DNAJC3: variants seen among roughly 807,000 people sequenced by gnomAD.
The protein encoded by DNAJC3 is dnaJ homolog subfamily C member 3.
A neutral mutation model predicts 68.6 loss-of-function variants in DNAJC3; 38 were observed. The ratio of observed to expected loss-of-function variants is 0.55; its 90% CI spans 0.43 to 0.73. DNAJC3 has a LOEUF of 0.73. DNAJC3 is among the 30% of genes least tolerant of loss of function. The pLI is 0.00. For synonymous variants in DNAJC3, 203 were observed against 204.0 expected, an observed-to-expected ratio of 1.00 and a Z score of 0.04; for missense variants, 526 against 591.9, an observed-to-expected ratio of 0.89 and a Z score of 1.16.
At chr13:95,759,281 A>G (rs1882752419) in intron 5 of DNAJC3, among the ~76,000 whole-genome samples, 1 of 152,008 alleles carries the variant, frequency 6.6e-6, no homozygotes, top group Non-Finnish European at 1.5e-5. Context: ...TTTACTTTTA[A>G]GGCGGTGACA....
intron 2 of DNAJC3, among the ~76,000 whole-genome samples, chr13:95,712,566 G>GGGGT (rs1207659240): frequency 1.3e-5 from 2 of 151,788 alleles, no homozygotes; most frequent in East Asian, 3.9e-4. Flanking sequence ...TAGTAGAGAT[G>GGGGT]GGGTTTCACC....
intron 9 of DNAJC3, among the ~76,000 whole-genome samples, chr13:95,782,077 A>T (rs534566071): frequency 5.3e-5 from 8 of 152,100 alleles, no homozygotes; most frequent in African/African-American, 1.9e-4. Flanking sequence ...TTCCTGTGTT[A>T]GTTTGCTGAG....
At chr13:95,709,152 T>C (rs889497383) in intron 1 of DNAJC3, 75 bp from the exon 2 acceptor site, 1 of 1,086,160 alleles carries the variant, frequency 9.2e-7, no homozygotes, top group African/African-American at 1.6e-5. Context: ...AGATAACTAT[T>C]TTTAATATTA....
At position 95,677,356 on chromosome 13, in the gene DNAJC3, C is replaced by T; in HGVS notation, c.82+19C>T. The stretch of plus-strand genomic sequence containing the variant: ...TACGAAGGTGAGTCCTGCCCTGCCC[C>T]GGCCAGGAAGTGGGCTCCCGGACCA... On this transcript the variant is annotated intron_variant, in intron 1 of 11. Transcript: ENST00000602402. The T allele has an allele frequency of 6.4e-7, 1 of 1,572,506 alleles. No homozygotes were observed. The highest frequency in any genetic ancestry group is 8.6e-7 in the Non-Finnish European group (1 of 1,159,832).
At position 95,739,815 on chromosome 13, in the gene DNAJC3, C is replaced by T. The variant is rs539877474; in HGVS notation, c.393+14563C>T. Among the ~76,000 whole-genome samples the T allele has an allele frequency of 5.6e-4, 86 of 152,350 alleles. 1 individual carries two copies. The Middle Eastern group carries it at 0.01, about 18-fold the overall frequency. ...CTGAAGCCTTCTTCTCTCAGCTCGTCAAAGTCATTCTCCATCCAGCTTTGT... is the reference window on the plus strand; with the variant it reads ...CTGAAGCCTTCTTCTCTCAGCTCGTTAAAGTCATTCTCCATCCAGCTTTGT... On this transcript the variant is annotated intron_variant, in intron 4 of 11. Coordinates refer to ENST00000602402, the MANE Select transcript of DNAJC3 (RefSeq NM_006260.5).
intron 9 of DNAJC3, among the ~76,000 whole-genome samples, chr13:95,771,960 A>G (rs930263139): frequency 6.6e-6 from 1 of 152,016 alleles, no homozygotes; most frequent in Non-Finnish European, 1.5e-5. Flanking sequence ...ATGTTTTCGC[A>G]GTTTATTCCT....
chr13:95,778,616 C>A (rs1176192051), intron 9 of DNAJC3, among the ~76,000 whole-genome samples: 1 of 152,180 alleles, frequency 6.6e-6, no homozygotes, highest in Non-Finnish European at 1.5e-5. Flanking sequence ...AATCTACTTA[C>A]ATGGAATATC....
chr13:95,769,293 C>G (rs573321517), intron 9 of DNAJC3, among the ~76,000 whole-genome samples: 1 of 152,164 alleles, frequency 6.6e-6, no homozygotes, highest in African/African-American at 2.4e-5. Flanking sequence ...AGAGACCATT[C>G]CCTCTAGCAG....
rs376391099 is a variant in DNAJC3, at chr13:95,758,415, C to T, written c.546+619C>T. 1.8e-4 allele frequency among the ~76,000 whole-genome samples: 27 copies of T among 151,040 alleles called. No homozygotes were observed. In the East Asian group the frequency reaches 4.9e-3, roughly 27 times the overall value. ...CTTTGGGAGGTCGAGGTGGGTGGAT[C>T]ACTTGAGGCCAGGAGTTTGAGACTA... On this transcript the variant is annotated intron_variant, in intron 5 of 11. Coordinates refer to ENST00000602402, the MANE Select transcript of DNAJC3 (RefSeq NM_006260.5).
At chr13:95,759,340 C>G in intron 5 of DNAJC3, among the ~76,000 whole-genome samples, 1 of 152,212 alleles carries the variant, frequency 6.6e-6, no homozygotes, top group African/African-American at 2.4e-5. Context: ...GAGACTGGGT[C>G]TCTCTCTGTT....
At chr13:95,703,046 G>A (rs1456270100) in intron 1 of DNAJC3, among the ~76,000 whole-genome samples, 2 of 152,136 alleles carry the variant, frequency 1.3e-5, no homozygotes, top group Non-Finnish European at 2.9e-5. Context: ...TATTCATGGT[G>A]GTTATGTTCT....
chr13:95,737,562 G>A (rs1406719605), intron 4 of DNAJC3, among the ~76,000 whole-genome samples: 3 of 151,968 alleles, frequency 2.0e-5, no homozygotes, highest in Non-Finnish European at 1.5e-5. Flanking sequence ...GAGTGTATGT[G>A]TCCAGGAATT....
intron 1 of DNAJC3, among the ~76,000 whole-genome samples, chr13:95,688,931 TGTGTGTGTG>T (rs1566466650): frequency 1.4e-4 from 12 of 86,248 alleles, no homozygotes; most frequent in African/African-American, 5.5e-4. Flanking sequence ...TGTGTGGGTG[TGTGTGTGTG>T]TGTGTGTGTG....
intron 2 of DNAJC3, among the ~76,000 whole-genome samples, chr13:95,714,849 T>C (rs1881088200): frequency 6.6e-6 from 1 of 152,264 alleles, no homozygotes. Flanking sequence ...TTTGTTTTCT[T>C]AGTCTCACAT....
At position 95,763,715 on chromosome 13, in the gene DNAJC3, T is replaced by C; in HGVS notation, c.921T>C (p.Arg307=). The C allele has an allele frequency of 6.2e-7, 1 of 1,614,066 alleles. No homozygotes were observed. The highest frequency in any genetic ancestry group is 8.5e-7 in the Non-Finnish European group (1 of 1,179,928). Residue 307 remains arginine, a synonymous_variant, in exon 8 of 12, where the codon CGT becomes CGC. Coordinates refer to ENST00000602402, the MANE Select transcript of DNAJC3 (RefSeq NM_006260.5). The part of the protein sequence containing the change: ...TEPSIAEYTV[R]SKERICHCFS... ...CAAGCATTGCTGAATATACAGTTCG[T>C]TCAAAGGAGAGGATTTGCCACTGCT...
rs1051928492 is a variant in DNAJC3 at position 95,791,317 on chromosome 13, C to T, written c.*287C>T. ...GCAGGCTCACCCGTGGAAGTGCTCACGTATTCTGTATTATTTTTCTACACT... is the reference window on the plus strand; with the variant it reads ...GCAGGCTCACCCGTGGAAGTGCTCATGTATTCTGTATTATTTTTCTACACT... On this transcript the variant is annotated 3_prime_UTR_variant, in exon 12 of 12. Transcript: ENST00000602402. 104 of 372,624 alleles carry T rather than the reference C, an allele frequency of 2.8e-4. No individual in the cohort carries two copies. Among genetic ancestry groups the T allele is most frequent in the Non-Finnish European group, 4.5e-4 (95 of 213,010 alleles). The allele number at this position is 372,624 out of a possible 1,614,324, so 23.1% of individuals were successfully genotyped here.
chr13:95,721,022 A>G (rs1593978220), intron 2 of DNAJC3, among the ~76,000 whole-genome samples: 1 of 152,082 alleles, frequency 6.6e-6, no homozygotes, highest in African/African-American at 2.4e-5. Context: ...CATTATCCCA[A>G]ACTGAAACTC....
At position 95,704,851 on chromosome 13, in the gene DNAJC3, G is replaced by GTTTTTTTTTTTTTTTT. The variant is rs1193979630; in HGVS notation, c.83-4373_83-4358dup. The stretch of plus-strand genomic sequence containing the variant: ...AGAAAGGACTAATCTGTGTGTGTGT[G>GTTTTTTTTTTTTTTTT]TTTTTTTTTTTTTTTTTTGAGACAG... On this transcript the variant is annotated intron_variant, in intron 1 of 11. Coordinates refer to ENST00000602402, the MANE Select transcript of DNAJC3 (RefSeq NM_006260.5). Among the ~76,000 whole-genome samples the GTTTTTTTTTTTTTTTT allele has an allele frequency of 1.4e-3, 141 of 97,788 alleles. 11 individuals are homozygous for GTTTTTTTTTTTTTTTT. Among genetic ancestry groups the GTTTTTTTTTTTTTTTT allele is most frequent in the Admixed American group, 6.2e-3 (61 of 9,910 alleles). The allele number at this position is 97,788 out of a possible 152,430, so 64.2% of individuals were successfully genotyped here. A position where few individuals can be genotyped will look rare whatever the true frequency, so the allele number is the denominator to read the frequency against.
intron 4 of DNAJC3, among the ~76,000 whole-genome samples, chr13:95,726,979 T>G (rs578025063): frequency 6.6e-6 from 1 of 152,286 alleles, no homozygotes; most frequent in South Asian, 2.1e-4. Flanking sequence ...CGGCTGTCAT[T>G]TTCTTTTTAT....
Sources: allele counts gnomAD v4.1 joint callset (sites outside exome capture counted in the v4.1 genomes callset), GRCh38; gene constraint gnomAD v4.1.1; transcripts MANE v1.5; gene names NCBI Gene and HGNC (gene_info 2026-07-23, HGNC 2026-07-21).